The following MRPL44 variants were observed in gnomAD, a reference collection of about 807,000 sequenced individuals.
MRPL44 encodes the protein large ribosomal subunit protein mL44.
A neutral mutation model predicts 25.9 loss-of-function variants in MRPL44; 21 were observed. The ratio of observed to expected loss-of-function variants is 0.81; its 90% CI spans 0.58 to 1.17. The LOEUF (loss-of-function observed/expected upper bound fraction) is 1.17. Among genes scored for constraint, MRPL44 ranks in the 50% most tolerant of loss-of-function variants. The pLI, the probability that MRPL44 is intolerant of heterozygous loss-of-function variation, is 0.00. For synonymous variants in MRPL44, 169 were observed against 151.0 expected, an observed-to-expected ratio of 1.12 and a Z score of -0.87; for missense variants, 410 against 398.9, an observed-to-expected ratio of 1.03 and a Z score of -0.24.
intron 1 of MRPL44, 86 bp downstream of exon 1, chr2:223,957,737 C>G: frequency 7.0e-7 from 1 of 1,422,818 alleles, no homozygotes; most frequent in South Asian, 1.3e-5. Context: ...GCGGCTGATG[C>G]GCCCCTGGGT....
At chr2:223,960,815 A>G (rs1382479604) in intron 2 of MRPL44, among the ~76,000 whole-genome samples, 1 of 152,218 alleles carries the variant, frequency 6.6e-6, no homozygotes, top group Non-Finnish European at 1.5e-5. Flanking sequence ...TGATTTCCAA[A>G]CTATAACTCT....
the MRPL44 span, among the ~76,000 whole-genome samples, chr2:223,952,172 C>T: frequency 3.1e-4 from 47 of 152,276 alleles, no homozygotes; most frequent in African/African-American, 1.1e-3. Flanking sequence ...GACTTGCTTC[C>T]TGATAAGTTT....
Position 223,959,955 on chromosome 2 carries a change from G to A in MRPL44, c.601G>A (p.Ala201Thr). The part of the protein sequence containing the change: ...LQQTFFAVIG[A>T]LLQSSGPERT... ...GCAGACTTTCTTTGCAGTTATTGGA[G>A]CCCTGTTACAGAGCAGTGGACCTGA... The change falls in exon 2 of 4, where the codon GCC becomes ACC. Residue 201 changes from alanine (A) to threonine (T), a missense_variant. By Grantham distance (58) the Ala-to-Thr change is moderately conservative. Coordinates refer to ENST00000258383, the MANE Select transcript of MRPL44 (RefSeq NM_022915.5). 6.2e-7 allele frequency: 1 copy of A among 1,614,160 alleles called. No homozygotes were observed. The highest frequency in any genetic ancestry group is 8.5e-7 in the Non-Finnish European group (1 of 1,180,018).
Position 223,962,379 on chromosome 2 carries a change from T to C in MRPL44, c.649-1377T>C, listed in dbSNP as rs1264877981. Among the ~76,000 whole-genome samples the C allele has an allele frequency of 4.6e-5, 7 of 152,314 alleles. No homozygotes were observed. In the East Asian group the frequency reaches 9.7e-4, roughly 21 times the overall value. ...AGTGTTCTGGTGCTTGGAGGAGTGTTGTAATGAATTGACTTCATTTCATGA... is the reference window on the plus strand; with the variant it reads ...AGTGTTCTGGTGCTTGGAGGAGTGTCGTAATGAATTGACTTCATTTCATGA... On this transcript the variant is annotated intron_variant, in intron 2 of 3. Transcript: ENST00000258383.
chr2:223,966,259 G>T (rs1689739709), intron 3 of MRPL44, among the ~76,000 whole-genome samples: 1 of 150,570 alleles, frequency 6.6e-6, no homozygotes, highest in South Asian at 2.1e-4. Flanking sequence ...AAAAGTGTGA[G>T]CCATCATGCC....
the MRPL44 span, among the ~76,000 whole-genome samples, chr2:223,951,443 A>G: frequency 3.4e-4 from 50 of 146,904 alleles, no homozygotes; most frequent in South Asian, 0.01. Context: ...GATAATGTGT[A>G]GTATTTATTG....
At position 223,959,586 on chromosome 2, in the gene MRPL44, C is replaced by A; in HGVS notation, c.232C>A (p.Arg78=). The part of the protein sequence containing the change: ...YHAEIQAFGH[R]LQENFSLDLL... ...TGCAGAAATACAAGCTTTTGGACAT[C>A]GGTTACAGGAAAACTTTTCCTTAGA... The change falls in exon 2 of 4, where the codon CGG becomes AGG. Residue 78 remains arginine (R), a synonymous_variant. Transcript: ENST00000258383. 6.2e-7 allele frequency: 1 copy of A among 1,613,674 alleles called. No homozygotes were observed. Among genetic ancestry groups the A allele is most frequent in the Non-Finnish European group, 8.5e-7 (1 of 1,179,892 alleles).
Position 223,959,554 on chromosome 2 carries a change from A to C in MRPL44, c.200A>C (p.Asp67Ala). 1 of 1,610,986 alleles carries C rather than the reference A, an allele frequency of 6.2e-7. No homozygotes were observed. Among genetic ancestry groups the C allele is most frequent in the African/African-American group, 1.3e-5 (1 of 74,738 alleles). ...TTCAGTTCAGAGAAGCCGAACTGGGATTACCATGCAGAAATACAAGCTTTT... is the reference window on the plus strand; with the variant it reads ...TTCAGTTCAGAGAAGCCGAACTGGGCTTACCATGCAGAAATACAAGCTTTT... ...PVRRSEKPNW[D>A]YHAEIQAFGH... is the part of the protein sequence containing the mutation. Residue 67 changes from aspartate to alanine, a missense_variant, in exon 2 of 4, where the codon GAT (aspartate) becomes GCT (alanine). Asp to Ala is a moderately radical substitution (Grantham distance 126). Transcript: ENST00000258383.
At chr2:223,959,462 A>C in intron 1 of MRPL44, 72 bp from the exon 2 acceptor site, 1 of 1,149,932 alleles carries the variant, frequency 8.7e-7, no homozygotes, top group Non-Finnish European at 1.2e-6. Context: ...ACATTACAAC[A>C]CAGTGAACAA....
upstream of MRPL44, among the ~76,000 whole-genome samples, chr2:223,953,740 T>G (rs1452488246): frequency 6.6e-6 from 1 of 152,214 alleles, no homozygotes; most frequent in Non-Finnish European, 1.5e-5. Context: ...TTTTAACCCA[T>G]TCTCTGGATT....
At chr2:223,965,781 T>A (rs1025187723) in intron 3 of MRPL44, 4 of 152,206 alleles carry the variant, frequency 2.6e-5, no homozygotes, top group Non-Finnish European at 5.9e-5. Flanking sequence ...TAGAGTGGAT[T>A]AGAAATATAT....
the MRPL44 span, among the ~76,000 whole-genome samples, chr2:223,950,876 G>A: frequency 7.9e-5 from 12 of 152,190 alleles, no homozygotes; most frequent in Admixed American, 1.3e-4. Context: ...ATTTTATAGA[G>A]TATGCATATA....
intron 2 of MRPL44, 73 bp downstream of exon 2, chr2:223,960,075 A>G (rs112562459): frequency 1.6e-6 from 2 of 1,247,278 alleles, no homozygotes; most frequent in Non-Finnish European, 2.2e-6. Flanking sequence ...CACTTCTTTG[A>G]TATATCACCT....
intron 3 of MRPL44, 34 bp from the exon 4 acceptor site, chr2:223,966,829 T>G (rs1264100492): frequency 6.3e-7 from 1 of 1,586,246 alleles, no homozygotes; most frequent in African/African-American, 1.4e-5. Context: ...CAATATTCCA[T>G]GTAATTTAAG....
chr2:223,957,671 G>A lies in MRPL44; in HGVS notation c.179+20G>A, dbSNP rs1217430640. On this transcript the variant is annotated intron_variant, in intron 1 of 3. Transcript: ENST00000258383. ...GCGCCGGTAGGAGCCACCTCGGGAA[G>A]AGGTCTCAGGGTGGCGGTCGCAGAC... 3.8e-6 allele frequency: 6 copies of A among 1,595,538 alleles called. No individual in the cohort carries two copies. Among genetic ancestry groups the A allele is most frequent in the Non-Finnish European group, 5.1e-6 (6 of 1,176,936 alleles).
At chr2:223,961,245 AG>A (rs1689655712) in intron 2 of MRPL44, among the ~76,000 whole-genome samples, 1 of 152,252 alleles carries the variant, frequency 6.6e-6, no homozygotes, top group Non-Finnish European at 1.5e-5. Context: ...AGGCTAGAAA[AG>A]GTTTTACAGA....
At chr2:223,960,592 T>A (rs1262462052) in intron 2 of MRPL44, among the ~76,000 whole-genome samples, 1 of 152,226 alleles carries the variant, frequency 6.6e-6, no homozygotes, top group Non-Finnish European at 1.5e-5. Context: ...TCACTTTAAG[T>A]CATAAAAACA....
chr2:223,955,932 G>T (rs1008405460), upstream of MRPL44, among the ~76,000 whole-genome samples: 4 of 152,184 alleles, frequency 2.6e-5, no homozygotes, highest in Non-Finnish European at 5.9e-5. Flanking sequence ...ATTAGTAGAA[G>T]AAATCTTTTG....
Position 223,967,081 on chromosome 2 carries a change from A to G in MRPL44, c.*47A>G. The G allele has an allele frequency of 6.5e-7, 1 of 1,529,658 alleles. No individual in the cohort carries two copies. The highest frequency in any genetic ancestry group is 8.8e-7 in the Non-Finnish European group (1 of 1,130,560). 94.8% of individuals were successfully genotyped at this position (1,529,658 alleles called of 1,614,324 possible). A position where few individuals can be genotyped will look rare whatever the true frequency, so the allele number is the denominator to read the frequency against. Reference sequence around the variant, plus strand: ...GAAACTTGAGAGCGAAAGTGAGATAAATGTCAAAGGTGTTTCAAGCCAGAC... The same window carrying G: ...GAAACTTGAGAGCGAAAGTGAGATAGATGTCAAAGGTGTTTCAAGCCAGAC... On this transcript the variant is annotated 3_prime_UTR_variant, in exon 4 of 4. Coordinates refer to ENST00000258383, the MANE Select transcript of MRPL44 (RefSeq NM_022915.5).
Sources: gnomAD v4.1 joint callset for allele counts (sites outside exome capture counted in the v4.1 genomes callset) on GRCh38, gnomAD v4.1.1 for gene constraint, MANE v1.5 for transcripts, NCBI Gene and HGNC (gene_info 2026-07-23, HGNC 2026-07-21) for gene names.